PTPRA: variants seen among roughly 807,000 people sequenced by gnomAD.
PTPRA encodes receptor-type tyrosine-protein phosphatase alpha.
Under a neutral mutation model 104.8 loss-of-function variants are expected in PTPRA, and 25 were observed. The observed-to-expected ratio is 0.24, with a 90% confidence interval of 0.17 to 0.33. The LOEUF is 0.33. PTPRA is among the 10% of genes least tolerant of loss of function. The pLI is 1.00. For synonymous variants in PTPRA, 323 were observed against 368.9 expected, an observed-to-expected ratio of 0.88 and a Z score of 1.43; for missense variants, 765 against 1,015.3, an observed-to-expected ratio of 0.75 and a Z score of 3.35.
At chr20:2,936,320 T>C (rs1489536632) in intron 2 of PTPRA, among the ~76,000 whole-genome samples, 3 of 152,162 alleles carry the variant, frequency 2.0e-5, no homozygotes, top group Non-Finnish European at 2.9e-5. Context: ...AGCATATAGT[T>C]GGGTCTTTTC....
chr20:2,886,168 T>C (rs1380828325), intron 1 of PTPRA, among the ~76,000 whole-genome samples: 7 of 152,230 alleles, frequency 4.6e-5, no homozygotes, highest in South Asian at 2.1e-4. Context: ...TATGAGCCCA[T>C]TGGGAGTAAT....
intron 1 of PTPRA, among the ~76,000 whole-genome samples, chr20:2,890,195 C>A (rs560490620): frequency 6.6e-6 from 1 of 152,008 alleles, no homozygotes; most frequent in Non-Finnish European, 1.5e-5. Context: ...CCATGCCTGG[C>A]CTTTTCTTCA....
chr20:2,991,215 C>T (rs943332984), intron 9 of PTPRA, among the ~76,000 whole-genome samples: 1 of 152,018 alleles, frequency 6.6e-6, no homozygotes, highest in Non-Finnish European at 1.5e-5. Context: ...AAAAATTAGC[C>T]AGGCGTGGTG....
chr20:2,895,960 G>A (rs2058982256), intron 1 of PTPRA, among the ~76,000 whole-genome samples: 1 of 152,014 alleles, frequency 6.6e-6, no homozygotes, highest in Non-Finnish European at 1.5e-5. Context: ...GCTATTTTCT[G>A]ATTTTCATTC....
chr20:2,999,409 TGAA>T (rs956347102), intron 9 of PTPRA, among the ~76,000 whole-genome samples: 10 of 152,182 alleles, frequency 6.6e-5, no homozygotes, highest in South Asian at 4.1e-4. Flanking sequence ...AAGACATTCC[TGAA>T]GAAGAAGAAC....
chr20:3,025,402 G>A (rs1332422229), intron 17 of PTPRA, among the ~76,000 whole-genome samples: 15 of 142,798 alleles, frequency 1.1e-4, no homozygotes, highest in Admixed American at 8.1e-4. Context: ...GCAGTGAGCC[G>A]AAATCATGCC....
chr20:2,886,299 G>A (rs565000211), intron 1 of PTPRA, among the ~76,000 whole-genome samples: 1 of 152,260 alleles, frequency 6.6e-6, no homozygotes, highest in Admixed American at 6.5e-5. Flanking sequence ...GATAGGTACT[G>A]AAGTATTTTG....
At chr20:2,908,903 A>T (rs2059524626) in intron 1 of PTPRA, among the ~76,000 whole-genome samples, 1 of 152,226 alleles carries the variant, frequency 6.6e-6, no homozygotes, top group Non-Finnish European at 1.5e-5. Flanking sequence ...AATAAAAAAT[A>T]AAATGTCACA....
chr20:2,878,111 A>G (rs1372218803), intron 1 of PTPRA, among the ~76,000 whole-genome samples: 1 of 152,192 alleles, frequency 6.6e-6, no homozygotes, highest in Non-Finnish European at 1.5e-5. Context: ...AGATCTTGCC[A>G]CTGTACTCCA....
intron 6 of PTPRA, among the ~76,000 whole-genome samples, chr20:2,983,631 A>C (rs764723434): frequency 6.6e-6 from 1 of 151,278 alleles, no homozygotes; most frequent in South Asian, 2.1e-4. Flanking sequence ...AAAATATATT[A>C]TTTGCAGCTG....
rs561239135 is a variant in PTPRA at position 3,022,355 on chromosome 20, C to T, written c.1328+135C>T. 8 of 1,158,116 alleles carry T rather than the reference C, an allele frequency of 6.9e-6. No homozygotes were observed. The highest frequency in any genetic ancestry group is 4.7e-5 in the African/African-American group (3 of 64,030). 71.7% of individuals were successfully genotyped at this position (1,158,116 alleles called of 1,614,324 possible). A position where few individuals can be genotyped will look rare whatever the true frequency, so the allele number is the denominator to read the frequency against. The stretch of plus-strand genomic sequence containing the variant: ...CCTACTGGGGCACCAGCGCAACAGC[C>T]AGAGACTCCAAGTTCTAGTGCAGGG... On this transcript the variant is annotated intron_variant, in intron 15 of 23. Coordinates refer to ENST00000399903, the MANE Select transcript of PTPRA (RefSeq NM_001385305.1). This position sits in a 1 kb window ranked among gnomAD's most constrained non-coding sequence, Gnocchi z 4.6.
intron 2 of PTPRA, among the ~76,000 whole-genome samples, chr20:2,939,706 T>C (rs990403650): frequency 3.3e-5 from 5 of 152,212 alleles, no homozygotes; most frequent in African/African-American, 1.2e-4. Context: ...TCCTGTTGGG[T>C]CAGTCCTCAT....
At chr20:3,010,585 G>A (rs898886903) in intron 11 of PTPRA, among the ~76,000 whole-genome samples, 10 of 152,044 alleles carry the variant, frequency 6.6e-5, no homozygotes, top group Admixed American at 5.2e-4. Flanking sequence ...CCGAGATCAC[G>A]CCACCGCACT....
At chr20:3,018,847 C>T (rs796447520) in intron 13 of PTPRA, among the ~76,000 whole-genome samples, 1 of 47,044 alleles carries the variant, frequency 2.1e-5, no homozygotes, top group African/African-American at 1.6e-4. Flanking sequence ...GCTGGCCGGG[C>T]GGGGGGCTGA....
At chr20:2,865,331 C>A in the PTPRA span, 9 of 1,614,132 alleles carry the variant, frequency 5.6e-6, no homozygotes, top group South Asian at 8.8e-5. The surrounding 1 kb of genome is among the most constrained non-coding windows in gnomAD (Gnocchi z 5.2). Context: ...GGTGAGGGCC[C>A]AGGCTGCATG....
At chr20:3,020,342 C>A (rs1315733939) in intron 13 of PTPRA, among the ~76,000 whole-genome samples, 1 of 152,078 alleles carries the variant, frequency 6.6e-6, no homozygotes, top group Non-Finnish European at 1.5e-5. Flanking sequence ...TCGTGATCCA[C>A]CCACCTCGGC....
chr20:2,965,461 T>C (rs1359604372), intron 5 of PTPRA, among the ~76,000 whole-genome samples: 1 of 152,048 alleles, frequency 6.6e-6, no homozygotes, highest in Non-Finnish European at 1.5e-5. Context: ...AGAAGAAGGC[T>C]TAAAAAGACA....
intron 1 of PTPRA, among the ~76,000 whole-genome samples, chr20:2,909,977 C>CATATATCATATATAA (rs1465422444): frequency 9.1e-6 from 1 of 109,992 alleles, no homozygotes; most frequent in East Asian, 2.3e-4. Flanking sequence ...TATATATAAT[C>CATATATCATATATAA]TATCATATAT....
chr20:3,001,672 G>A lies in PTPRA; in HGVS notation c.739-3384G>A, dbSNP rs749374743. Among the ~76,000 whole-genome samples, 4 of 152,296 alleles carry A rather than the reference G, an allele frequency of 2.6e-5. No individual in the cohort carries two copies. In the East Asian group the frequency reaches 7.7e-4, roughly 29 times the overall value. ...GATCTAAAATAATGGTCTCTACTGC[G>A]TGTGTAAGAGTCCAGCCCAGGAAAA... On this transcript the variant is annotated intron_variant, in intron 9 of 23. Coordinates refer to ENST00000399903, the MANE Select transcript of PTPRA (RefSeq NM_001385305.1).
Sources: allele counts gnomAD v4.1 joint callset (sites outside exome capture counted in the v4.1 genomes callset), GRCh38; gene constraint gnomAD v4.1.1; non-coding constraint Gnocchi (gnomAD v3.1); transcripts MANE v1.5; gene names NCBI Gene and HGNC (gene_info 2026-07-23, HGNC 2026-07-21).